ADGRL3: variants seen among roughly 807,000 people sequenced by gnomAD.
ADGRL3 encodes the protein calcium-independent alpha-latrotoxin receptor 3.
ADGRL3 carries 62 observed loss-of-function variants against 153.5 expected under a neutral mutation model. The observed-to-expected ratio is 0.40, with a 90% CI of 0.33 to 0.50. ADGRL3 has a LOEUF of 0.50. Ranked by LOEUF, ADGRL3 falls within the 20% of genes least tolerant of loss-of-function variation. The pLI is 0.47. For missense variants in ADGRL3, 1,641 were observed against 1,859.4 expected (o/e 0.88, Z 2.16); for synonymous variants, 710 against 672.5 (o/e 1.06, Z -0.86).
At chr4:61,868,739 A>G (rs1047221885) in intron 9 of ADGRL3, among the ~76,000 whole-genome samples, 4 of 152,278 alleles carry the variant, frequency 2.6e-5, no homozygotes, top group East Asian at 1.9e-4. Flanking sequence ...TTGGTAGACA[A>G]TTAAAGTCCT....
intron 5 of ADGRL3, among the ~76,000 whole-genome samples, chr4:61,669,226 A>C (rs1157239470): frequency 1.3e-5 from 2 of 152,114 alleles, no homozygotes; most frequent in Admixed American, 1.3e-4. Context: ...TTTTTATTTG[A>C]AATCTAGTTG....
intron 6 of ADGRL3, among the ~76,000 whole-genome samples, chr4:61,723,135 TC>T: frequency 6.6e-6 from 1 of 152,296 alleles, no homozygotes; most frequent in East Asian, 1.9e-4. Flanking sequence ...GTCATTCACT[TC>T]TATTCTTGTC....
chr4:61,672,790 A>G (rs567824219), intron 5 of ADGRL3, among the ~76,000 whole-genome samples: 2 of 152,110 alleles, frequency 1.3e-5, no homozygotes, highest in African/African-American at 4.8e-5. Flanking sequence ...TAAAAATAGA[A>G]CTACCATATG....
At chr4:61,725,050 C>A (rs773584992) in intron 6 of ADGRL3, among the ~76,000 whole-genome samples, 1 of 152,122 alleles carries the variant, frequency 6.6e-6, no homozygotes, top group East Asian at 1.9e-4. Context: ...CTGTCCCTTT[C>A]TTTGAAAATA....
intron 15 of ADGRL3, among the ~76,000 whole-genome samples, chr4:61,946,156 C>A (rs887849582): frequency 6.6e-6 from 1 of 152,156 alleles, no homozygotes; most frequent in African/African-American, 2.4e-5. Context: ...TTTTTCCAAA[C>A]AGTTGAACTA....
intron 1 of ADGRL3, among the ~76,000 whole-genome samples, chr4:61,314,456 G>T (rs1282176277): frequency 1.3e-5 from 2 of 152,122 alleles, no homozygotes; most frequent in East Asian, 1.9e-4. Flanking sequence ...TGATCCACCC[G>T]CTCGGCCTCC....
At chr4:61,208,129 G>A (rs1738191382) in intron 1 of ADGRL3, among the ~76,000 whole-genome samples, 1 of 152,090 alleles carries the variant, frequency 6.6e-6, no homozygotes, top group Non-Finnish European at 1.5e-5. Context: ...CTCTTGGGAA[G>A]GCTACAAAGG....
chr4:61,783,086 T>C (rs1580804888), intron 8 of ADGRL3, among the ~76,000 whole-genome samples: 2 of 152,294 alleles, frequency 1.3e-5, no homozygotes, highest in Admixed American at 6.5e-5. Context: ...TAGAGTGTCA[T>C]GTAGTAGTTG....
chr4:62,029,942 G>T (rs553003239), intron 22 of ADGRL3, among the ~76,000 whole-genome samples: 2 of 151,426 alleles, frequency 1.3e-5, no homozygotes, highest in South Asian at 4.1e-4. Context: ...TCTGAATCCA[G>T]TTGTAGTATA....
rs777201927 is a variant in ADGRL3, at chr4:61,732,862, A to G, written c.707A>G (p.Lys236Arg). The G allele has an allele frequency of 2.5e-6, 4 of 1,613,636 alleles. No homozygotes were observed. Among genetic ancestry groups the G allele is most frequent in the Non-Finnish European group, 3.4e-6 (4 of 1,179,802 alleles). Residue 236 changes from lysine (K) to arginine (R), a missense_variant, in exon 8 of 27, where the codon AAG becomes AGG. Around this residue, in one of 5 missense-constraint regions of ADGRL3, gnomAD observed 213 missense variants for 362.1 expected, o/e 0.59. Coordinates refer to ENST00000683033, the MANE Select transcript of ADGRL3 (RefSeq NM_001387552.1). ...AAAGACCCTCTGCAGGCATCTGACA[A>G]GATTTATTATATGCCCTGGACTCCC... ...WCKDPLQASD[K>R]IYYMPWTPYR... is the part of the protein sequence containing the mutation.
intron 2 of ADGRL3, among the ~76,000 whole-genome samples, chr4:61,457,420 G>T (rs1411655722): frequency 6.6e-6 from 1 of 151,818 alleles, no homozygotes; most frequent in Non-Finnish European, 1.5e-5. Flanking sequence ...TTAAAATTAA[G>T]ATATTATTAG....
chr4:61,490,324 A>C (rs2098244517), intron 2 of ADGRL3, among the ~76,000 whole-genome samples: 1 of 151,200 alleles, frequency 6.6e-6, no homozygotes, highest in Non-Finnish European at 1.5e-5. Flanking sequence ...TCTCATCTTC[A>C]TTCTCTTCCT....
intron 2 of ADGRL3, among the ~76,000 whole-genome samples, chr4:61,431,699 G>A (rs2097357774): frequency 1.3e-5 from 2 of 152,162 alleles, no homozygotes; most frequent in Admixed American, 1.3e-4. Flanking sequence ...AGGCGGACTA[G>A]TATTAAATCT....
chr4:62,060,764 T>C (rs907305072), intron 25 of ADGRL3, among the ~76,000 whole-genome samples: 2 of 151,884 alleles, frequency 1.3e-5, no homozygotes, highest in Non-Finnish European at 1.5e-5. Flanking sequence ...CTCTTTTTTT[T>C]CTCATAAAAT....
intron 3 of ADGRL3, among the ~76,000 whole-genome samples, chr4:61,506,534 A>G (rs545916749): frequency 9.9e-5 from 15 of 152,256 alleles, no homozygotes; most frequent in Admixed American, 6.5e-4. Flanking sequence ...TTAAGCTTAG[A>G]TCAGCATTCA....
chr4:61,213,268 T>C (rs1740988975), intron 1 of ADGRL3, among the ~76,000 whole-genome samples: 1 of 152,144 alleles, frequency 6.6e-6, no homozygotes. Flanking sequence ...TTAGCAGTCC[T>C]TCTATGTTAA....
chr4:61,373,182 C>T (rs1182510104), intron 1 of ADGRL3, among the ~76,000 whole-genome samples: 1 of 152,148 alleles, frequency 6.6e-6, no homozygotes, highest in Non-Finnish European at 1.5e-5. Flanking sequence ...CAGAAATCAC[C>T]CGTCTTCGTC....
At chr4:61,238,906 T>C (rs936969765) in intron 1 of ADGRL3, among the ~76,000 whole-genome samples, 5 of 152,126 alleles carry the variant, frequency 3.3e-5, no homozygotes, top group African/African-American at 1.2e-4. Flanking sequence ...ACATGAAAAT[T>C]ATTAGAGACC....
chr4:61,946,156 CA>C (rs1243481298), intron 15 of ADGRL3, among the ~76,000 whole-genome samples: 2 of 152,156 alleles, frequency 1.3e-5, no homozygotes, highest in Admixed American at 1.3e-4. Context: ...TTTTTCCAAA[CA>C]GTTGAACTAT....
Sources: allele counts gnomAD v4.1 joint callset (sites outside exome capture counted in the v4.1 genomes callset), GRCh38; gene constraint gnomAD v4.1.1; regional missense constraint gnomAD v4.1.1; transcripts MANE v1.5; gene names NCBI Gene and HGNC (gene_info 2026-07-23, HGNC 2026-07-21).